Variants in DCTN1 observed in about 807,000 individuals in gnomAD.
DCTN1 encodes the protein dynactin subunit 1.
Under a neutral mutation model 161.2 loss-of-function variants are expected in DCTN1, and 61 were observed. The ratio of observed to expected loss-of-function variants is 0.38; its 90% confidence interval spans 0.31 to 0.47. DCTN1 has a LOEUF of 0.47. DCTN1 is among the 20% of genes least tolerant of loss of function. The pLI, the probability that DCTN1 is intolerant of heterozygous loss-of-function variation, is 0.99. For synonymous variants in DCTN1, 653 were observed against 632.4 expected (o/e 1.03, Z -0.49); for missense variants, 1,404 against 1,623.7 (o/e 0.86, Z 2.33).
chr2:74,391,375 G>A (rs1228764045), intron 1 of DCTN1: 1 of 195,134 alleles, frequency 5.1e-6, no homozygotes, highest in African/African-American at 2.4e-5. Flanking sequence ...GCGGACCCCA[G>A]GAGTAGGATC....
At chr2:74,389,397 A>G (rs1675890665) in intron 1 of DCTN1, among the ~76,000 whole-genome samples, 1 of 152,182 alleles carries the variant, frequency 6.6e-6, no homozygotes, top group Non-Finnish European at 1.5e-5. Context: ...AGTATCACCT[A>G]GTAGCTGTAG....
rs547462286 is a variant in DCTN1 at position 74,369,841 on chromosome 2, G to A, written c.1392+124C>T. On this transcript the variant is annotated intron_variant, in intron 13 of 31. Coordinates refer to ENST00000628224, the MANE Select transcript of DCTN1 (RefSeq NM_004082.5). The surrounding 1 kb of genome is among the most constrained non-coding windows in gnomAD (Gnocchi z 4.9). ...GAAAAAAAAAAAAAAAAAAAAGGCA[G>A]GGTCAGGGTAGCAAGCCCAGGCTGG... 9.1e-5 allele frequency: 78 copies of A among 856,440 alleles called. No individual in the cohort carries two copies. In the East Asian group the frequency reaches 1.9e-3, roughly 21 times the overall value. 53.1% of individuals were successfully genotyped at this position (856,440 alleles called of 1,614,324 possible). A position where few individuals can be genotyped will look rare whatever the true frequency, so the allele number is the denominator to read the frequency against.
rs755003098 is a variant in DCTN1, at chr2:74,376,762, G to A, written c.394C>T (p.Arg132Trp). 4 of 1,604,004 alleles carry A rather than the reference G, an allele frequency of 2.5e-6. No individual in the cohort carries two copies. Among genetic ancestry groups the A allele is most frequent in the Non-Finnish European group, 3.4e-6 (4 of 1,175,308 alleles). The change falls in exon 5 of 32, where the codon CGG (arginine) becomes TGG (tryptophan). Residue 132 changes from arginine to tryptophan, a missense_variant and splice_region_variant. Arg to Trp is a moderately radical substitution (Grantham distance 101). Around this residue, in one of 9 missense-constraint regions of DCTN1, gnomAD observed 174 missense variants for 175.6 expected, o/e 0.99. Transcript: ENST00000628224. Reference sequence around the variant, plus strand: ...ACCACCTTCTTAGGCTTCAGTCCCCGCTGCATGAGGAGTAGGAAAGGGCAG... The same window carrying A: ...ACCACCTTCTTAGGCTTCAGTCCCCACTGCATGAGGAGTAGGAAAGGGCAG... ...TDTTAKTSKL[R>W]GLKPKKAPTA...
At chr2:74,371,263 T>G in intron 8 of DCTN1, 87 bp from the exon 9 acceptor site, 1 of 1,605,032 alleles carries the variant, frequency 6.2e-7, no homozygotes, top group Non-Finnish European at 8.5e-7. Flanking sequence ...CAAGAAAGTG[T>G]GCAAACATCA....
Position 74,369,025 on chromosome 2 carries a change from A to G in DCTN1, c.1701+73T>C. On this transcript the variant is annotated intron_variant, in intron 15 of 31. Coordinates refer to ENST00000628224, the MANE Select transcript of DCTN1 (RefSeq NM_004082.5). The surrounding 1 kb of genome is among the most constrained non-coding windows in gnomAD (Gnocchi z 4.9). ...CACCACACAAAGCACCCCTTCCCCCAGGAATCTGAAGCCCAGACCCCATAC... is the reference window on the plus strand; with the variant it reads ...CACCACACAAAGCACCCCTTCCCCCGGGAATCTGAAGCCCAGACCCCATAC... 6.4e-7 allele frequency: 1 copy of G among 1,564,514 alleles called. No individual in the cohort carries two copies. The highest frequency in any genetic ancestry group is 8.8e-7 in the Non-Finnish European group (1 of 1,142,508).
chr2:74,362,784 T>C, intron 29 of DCTN1, 55 bp from the exon 30 acceptor site: 1 of 1,558,256 alleles, frequency 6.4e-7, no homozygotes, highest in South Asian at 1.1e-5. Context: ...GCAGTTCTAC[T>C]GGATTAAGGG....
chr2:74,366,255 G>T lies in DCTN1; in HGVS notation c.2749C>A (p.Pro917Thr). The change falls in exon 23 of 32, where the codon CCC becomes ACC. Residue 917 changes from proline to threonine, a missense_variant. Around this residue, in one of 9 missense-constraint regions of DCTN1, gnomAD observed 475 missense variants for 489.8 expected, o/e 0.97. Transcript: ENST00000628224. ...MQEGEYDAER[P>T]PSKPPPVELR... ...AAATCTCCACCTACCTTGCTGGGGG[G>T]CCGCTCTGCATCATACTCCCCCTCC... 1.2e-6 allele frequency: 2 copies of T among 1,614,108 alleles called. No individual in the cohort carries two copies. The highest frequency in any genetic ancestry group is 8.5e-7 in the Non-Finnish European group (1 of 1,180,002).
chr2:74,389,915 C>T (rs1425761716), intron 1 of DCTN1, among the ~76,000 whole-genome samples: 1 of 152,130 alleles, frequency 6.6e-6, no homozygotes, highest in Non-Finnish European at 1.5e-5. Flanking sequence ...TTCCCTAGTT[C>T]CAACCACCTT....
intron 17 of DCTN1, 28 bp from the exon 18 acceptor site, chr2:74,367,892 G>T: frequency 6.2e-7 from 1 of 1,614,194 alleles, no homozygotes; most frequent in Non-Finnish European, 8.5e-7. Context: ...GCACTGTGAG[G>T]CTAGAGTCTG....
intron 5 of DCTN1, chr2:74,374,791 C>G (rs971161910): frequency 2.6e-5 from 27 of 1,055,520 alleles, no homozygotes; most frequent in Non-Finnish European, 3.1e-5. Context: ...CTCCTCATGA[C>G]AGTCATGCGC....
Position 74,380,185 on chromosome 2 carries a change from C to T in DCTN1, c.-148G>A. ...AGCCCTCCCCAGTCCATGGGCCTCA[C>T]TCGGTGGCCTACACGGGTAGGGGTG... is the stretch of plus-strand genomic sequence containing the variant. On this transcript the variant is annotated 5_prime_UTR_variant, in exon 1 of 32. It adds an upstream start codon to the 5' untranslated region. Transcript: ENST00000628224. 2.4e-6 allele frequency: 2 copies of T among 822,804 alleles called. No individual in the cohort carries two copies. The highest frequency in any genetic ancestry group is 4.1e-6 in the Non-Finnish European group (2 of 490,892). The allele number at this position is 822,804 out of a possible 1,614,324, so 51.0% of individuals were successfully genotyped here. A position where few individuals can be genotyped will look rare whatever the true frequency, so the allele number is the denominator to read the frequency against.
intron 6 of DCTN1, 81 bp downstream of exon 6, chr2:74,374,242 C>G (rs983680219): frequency 1.4e-6 from 2 of 1,477,374 alleles, no homozygotes; most frequent in East Asian, 2.3e-5. Context: ...TGAAGTCAAT[C>G]AGCCCCCACC....
chr2:74,390,912 C>T (rs1208339117), intron 1 of DCTN1, among the ~76,000 whole-genome samples: 1 of 152,178 alleles, frequency 6.6e-6, no homozygotes, highest in Non-Finnish European at 1.5e-5. Context: ...CCAAGAATAA[C>T]AGTATATCCT....
upstream of DCTN1, among the ~76,000 whole-genome samples, chr2:74,382,630 C>T (rs1454573100): frequency 7.0e-6 from 1 of 143,742 alleles, no homozygotes. Context: ...GTAAAAAGTA[C>T]AGAAATTATA....
rs186615787 is a variant in DCTN1, at chr2:74,366,057, G to C, written c.2761-39C>G. The C allele has an allele frequency of 5.0e-5, 81 of 1,614,004 alleles. 1 individual carries two copies. In the African/African-American group the frequency reaches 9.3e-4, roughly 19 times the overall value. On this transcript the variant is annotated intron_variant, in intron 23 of 31. Coordinates refer to ENST00000628224, the MANE Select transcript of DCTN1 (RefSeq NM_004082.5). Reference sequence around the variant, plus strand: ...GGTAGGGGGTGAGAAAGTGAGGGTGGAGAGAAGAGATCATCACTGTGCTCC... The same window carrying C: ...GGTAGGGGGTGAGAAAGTGAGGGTGCAGAGAAGAGATCATCACTGTGCTCC...
intron 1 of DCTN1, chr2:74,386,657 A>C (rs1042521138): frequency 2.4e-4 from 36 of 152,334 alleles, no homozygotes; most frequent in African/African-American, 8.7e-4. Context: ...CCCACCTCTC[A>C]GCAGATAACC....
At position 74,366,877 on chromosome 2, in the gene DCTN1, C is replaced by A. The variant is rs765482335; in HGVS notation, c.2372G>T (p.Cys791Phe). ...ALLLRDLETS[C>F]SDIRQFCKKI... is the part of the protein sequence containing the mutation. Reference sequence around the variant, plus strand: ...CTTGCAGAACTGGCGGATGTCACTGCATGAAGTTTCCAGATCCCGGAGCAG... The same window carrying A: ...CTTGCAGAACTGGCGGATGTCACTGAATGAAGTTTCCAGATCCCGGAGCAG... Residue 791 changes from cysteine to phenylalanine, a missense_variant, in exon 21 of 32, where the codon TGC (cysteine) becomes TTC (phenylalanine). Cys to Phe is a radical substitution (Grantham distance 205). Coordinates refer to ENST00000628224, the MANE Select transcript of DCTN1 (RefSeq NM_004082.5). The A allele has an allele frequency of 6.2e-7, 1 of 1,614,122 alleles. No individual in the cohort carries two copies. The highest frequency in any genetic ancestry group is 8.5e-7 in the Non-Finnish European group (1 of 1,180,058).
chr2:74,371,343 T>TGGGGAAAGTATGGCATAAGGG, intron 8 of DCTN1, 167 bp from the exon 9 acceptor site: 2 of 1,475,470 alleles, frequency 1.4e-6, no homozygotes, highest in Non-Finnish European at 9.3e-7. Flanking sequence ...ACAGTATATA[T>TGGGGAAAGTATGGCATAAGGG]GGGGAAAGTA....
At position 74,362,134 on chromosome 2, in the gene DCTN1, A is replaced by G; in HGVS notation, c.3617T>C (p.Val1206Ala). ...SDTVEKLKDE[V>A]LKETVSQRPG... ...GCGCTGAGATACTGTCTCCTTGAGG[A>G]CCTCATCCTAGGGAAGGGGAGAGGA... Residue 1206 changes from valine to alanine, a missense_variant, in exon 31 of 32, where the codon GTC (valine) becomes GCC (alanine). This residue lies in a region of DCTN1 where 311 missense variants were observed against 298.9 expected (regional missense o/e 1.04). Transcript: ENST00000628224. 6.2e-7 allele frequency: 1 copy of G among 1,613,642 alleles called. No homozygotes were observed. Among genetic ancestry groups the G allele is most frequent in the Non-Finnish European group, 8.5e-7 (1 of 1,179,722 alleles).
Sources: allele counts gnomAD v4.1 joint callset (sites outside exome capture counted in the v4.1 genomes callset), GRCh38; gene constraint gnomAD v4.1.1; regional missense constraint gnomAD v4.1.1; non-coding constraint Gnocchi (gnomAD v3.1); transcripts MANE v1.5; gene names NCBI Gene and HGNC (gene_info 2026-07-23, HGNC 2026-07-21).